The following LRRC4C variants were observed in gnomAD, a reference collection of about 807,000 sequenced individuals.
LRRC4C encodes leucine-rich repeat-containing protein 4C.
LRRC4C carries 5 observed loss-of-function variants against 33.6 expected under a neutral mutation model. The observed-to-expected ratio is 0.15, with a 90% CI of 0.08 to 0.31. The LOEUF (loss-of-function observed/expected upper bound fraction) is 0.31. Ranked by LOEUF, LRRC4C falls within the 10% of genes least tolerant of loss-of-function variation. The pLI, the probability that LRRC4C is intolerant of heterozygous loss-of-function variation, is 1.00. For missense variants in LRRC4C, 560 were observed against 796.7 expected (o/e 0.70, Z 3.58); for synonymous variants, 329 against 302.0 (o/e 1.09, Z -0.93).
At chr11:40,736,616 T>G (rs1947880157) in intron 2 of LRRC4C, among the ~76,000 whole-genome samples, 1 of 152,158 alleles carries the variant, frequency 6.6e-6, no homozygotes, top group Non-Finnish European at 1.5e-5. Flanking sequence ...TTGAATTAAT[T>G]TACACTCCCA....
chr11:41,325,838 T>C (rs16935595), intron 1 of LRRC4C, among the ~76,000 whole-genome samples: 1,822 of 152,110 alleles, frequency 0.012, 42 homozygotes, highest in African/African-American at 0.042. Flanking sequence ...ACTTTTATAA[T>C]GCTAGACCCT....
chr11:41,240,718 GCATTCTGCTTT>G (rs1442174353), intron 1 of LRRC4C, among the ~76,000 whole-genome samples: 1 of 152,152 alleles, frequency 6.6e-6, no homozygotes, highest in Non-Finnish European at 1.5e-5. Flanking sequence ...GGGATGAATA[GCATTCTGCTTT>G]CATTGGAGAA....
intron 3 of LRRC4C, among the ~76,000 whole-genome samples, chr11:40,478,839 A>G (rs1260292036): frequency 6.6e-6 from 1 of 152,206 alleles, no homozygotes; most frequent in African/African-American, 2.4e-5. Flanking sequence ...TGGAAGTGAC[A>G]GTATTGAAGA....
At chr11:40,182,425 A>G (rs1050699016) in intron 5 of LRRC4C, among the ~76,000 whole-genome samples, 1 of 152,240 alleles carries the variant, frequency 6.6e-6, no homozygotes, top group Non-Finnish European at 1.5e-5. Flanking sequence ...GAGTTACTGT[A>G]TAAAATTTCT....
intron 6 of LRRC4C, among the ~76,000 whole-genome samples, chr11:40,129,291 A>C (rs571075667): frequency 1.3e-5 from 2 of 152,294 alleles, no homozygotes; most frequent in Admixed American, 1.3e-4. Flanking sequence ...TTTTCATAGA[A>C]GTTTCTCCTA....
At chr11:41,359,669 A>C (rs1206360531) in intron 1 of LRRC4C, among the ~76,000 whole-genome samples, 2 of 152,196 alleles carry the variant, frequency 1.3e-5, no homozygotes, top group African/African-American at 4.8e-5. Flanking sequence ...TTTAACTGTT[A>C]TGACAATGCA....
At chr11:40,396,571 A>G (rs1044538443) in intron 3 of LRRC4C, among the ~76,000 whole-genome samples, 1 of 152,154 alleles carries the variant, frequency 6.6e-6, no homozygotes, top group Non-Finnish European at 1.5e-5. Context: ...TAAAAGTAAA[A>G]TTGATGCCAA....
intron 5 of LRRC4C, among the ~76,000 whole-genome samples, chr11:40,179,204 T>C (rs1255704600): frequency 6.6e-6 from 1 of 151,936 alleles, no homozygotes; most frequent in Non-Finnish European, 1.5e-5. Context: ...AGGGTCTCTC[T>C]ATGGTGCCTA....
chr11:41,010,751 A>G (rs1021210407), intron 1 of LRRC4C, among the ~76,000 whole-genome samples: 1 of 152,218 alleles, frequency 6.6e-6, no homozygotes, highest in African/African-American at 2.4e-5. Context: ...ACTGAGAATC[A>G]GGACTTTCCT....
chr11:40,778,320 A>T (rs1950088541), intron 2 of LRRC4C, among the ~76,000 whole-genome samples: 1 of 152,224 alleles, frequency 6.6e-6, no homozygotes, highest in Admixed American at 6.5e-5. Context: ...ATGGCTAAGC[A>T]CAGATTCACT....
intron 2 of LRRC4C, among the ~76,000 whole-genome samples, chr11:40,887,930 C>G (rs1171397400): frequency 2.6e-5 from 4 of 151,846 alleles, no homozygotes; most frequent in African/African-American, 9.7e-5. Context: ...TCCCATGCCT[C>G]TCCTTCATTA....
At chr11:41,188,901 G>GCCCCC (rs531976924) in intron 1 of LRRC4C, among the ~76,000 whole-genome samples, 2 of 124,348 alleles carry the variant, frequency 1.6e-5, no homozygotes, top group African/African-American at 6.0e-5. Flanking sequence ...AACAGGACCT[G>GCCCCC]CCCCCCCCCC....
At chr11:41,239,893 A>C (rs1437829012) in intron 1 of LRRC4C, among the ~76,000 whole-genome samples, 1 of 152,172 alleles carries the variant, frequency 6.6e-6, no homozygotes, top group African/African-American at 2.4e-5. Flanking sequence ...TAACAATTGC[A>C]TTTATTGGTG....
chr11:41,074,547 C>T (rs552943394), intron 1 of LRRC4C, among the ~76,000 whole-genome samples: 22 of 152,334 alleles, frequency 1.4e-4, no homozygotes, highest in African/African-American at 5.1e-4. Context: ...ACTTACTCCT[C>T]TAACCACAGT....
At chr11:41,243,243 C>T (rs2136568104) in intron 1 of LRRC4C, among the ~76,000 whole-genome samples, 1 of 152,302 alleles carries the variant, frequency 6.6e-6, no homozygotes, top group African/African-American at 2.4e-5. Flanking sequence ...GAAACAAAAA[C>T]ATCTCTCTTA....
intron 3 of LRRC4C, among the ~76,000 whole-genome samples, chr11:40,605,009 G>A (rs1960420786): frequency 6.6e-6 from 1 of 152,084 alleles, no homozygotes; most frequent in Non-Finnish European, 1.5e-5. Context: ...TATGATTATA[G>A]AGAGTCCCCT....
chr11:40,574,665 T>C (rs1375902907), intron 3 of LRRC4C, among the ~76,000 whole-genome samples: 1 of 152,208 alleles, frequency 6.6e-6, no homozygotes, highest in Admixed American at 6.5e-5. Context: ...CAACTTTAAA[T>C]TTAGAATTCT....
intron 5 of LRRC4C, among the ~76,000 whole-genome samples, chr11:40,229,506 C>T (rs1365195464): frequency 6.6e-6 from 1 of 152,100 alleles, no homozygotes; most frequent in Non-Finnish European, 1.5e-5. Context: ...CTCCTGACCT[C>T]AAATAATCCA....
At chr11:40,225,857 G>A (rs1864756158) in intron 5 of LRRC4C, among the ~76,000 whole-genome samples, 1 of 152,160 alleles carries the variant, frequency 6.6e-6, no homozygotes. Context: ...GACCTCAGGT[G>A]ATCCGCCCGC....
Sources: allele counts gnomAD v4.1 joint callset (sites outside exome capture counted in the v4.1 genomes callset), GRCh38; gene constraint gnomAD v4.1.1; transcripts MANE v1.5; gene names NCBI Gene and HGNC (gene_info 2026-07-23, HGNC 2026-07-21).